PRKCE: variants seen among roughly 807,000 people sequenced by gnomAD.
PRKCE encodes the protein protein kinase C epsilon.
Under a neutral mutation model 85.4 loss-of-function variants are expected in PRKCE, and 16 were observed. That is an observed-to-expected ratio of 0.19 (90% CI 0.13 to 0.28). The LOEUF (loss-of-function observed/expected upper bound fraction) is 0.28. Ranked by LOEUF, PRKCE falls within the 10% of genes least tolerant of loss-of-function variation. The pLI is 1.00. For synonymous variants in PRKCE, 388 were observed against 371.5 expected (o/e 1.04, Z -0.51); for missense variants, 573 against 975.2 (o/e 0.59, Z 5.49).
chr2:46,139,231 G>C lies in PRKCE; in HGVS notation c.1593-5862G>C, dbSNP rs1421899851. Reference sequence around the variant, plus strand: ...TAGAAGTATAAATACTAAAAAGGAAGAGGTAAATTAATCATTAATAGCAGA... The same window carrying C: ...TAGAAGTATAAATACTAAAAAGGAACAGGTAAATTAATCATTAATAGCAGA... On this transcript the variant is annotated intron_variant, in intron 11 of 14. Transcript: ENST00000306156. The surrounding 1 kb of genome is among the most constrained non-coding windows in gnomAD (Gnocchi z 5.2). Among the ~76,000 whole-genome samples the C allele has an allele frequency of 6.6e-6, 1 of 152,200 alleles. No homozygotes were observed. Among genetic ancestry groups the C allele is most frequent in the Non-Finnish European group, 1.5e-5 (1 of 68,038 alleles).
Sources: allele counts gnomAD v4.1 joint callset (sites outside exome capture counted in the v4.1 genomes callset), GRCh38; gene constraint gnomAD v4.1.1; non-coding constraint Gnocchi (gnomAD v3.1); transcripts MANE v1.5; gene names NCBI Gene and HGNC (gene_info 2026-07-23, HGNC 2026-07-21).